RBM47: variants seen among roughly 807,000 people sequenced by gnomAD.
RBM47 encodes the protein RNA binding motif protein 47.
In RBM47, 21 loss-of-function variants were observed where a neutral mutation model predicts 47.1. The ratio of observed to expected loss-of-function variants is 0.45; its 90% CI spans 0.32 to 0.64. RBM47 has a LOEUF of 0.64. Ranked by LOEUF, RBM47 falls within the 30% of genes least tolerant of loss-of-function variation. RBM47 has a pLI of 0.05. For synonymous variants in RBM47, 375 were observed against 361.7 expected, an observed-to-expected ratio of 1.04 and a Z score of -0.42; for missense variants, 708 against 870.9, an observed-to-expected ratio of 0.81 and a Z score of 2.35.
chr4:40,556,524 A>G (rs894201299), intron 1 of RBM47, among the ~76,000 whole-genome samples: 9 of 152,202 alleles, frequency 5.9e-5, no homozygotes, highest in East Asian at 5.8e-4. Flanking sequence ...AAGTAATTGC[A>G]GTTTTTGCTA....
intron 2 of RBM47, among the ~76,000 whole-genome samples, chr4:40,512,549 CTACAAAAA>C (rs1725075907): frequency 6.6e-6 from 1 of 151,094 alleles, no homozygotes; most frequent in South Asian, 2.1e-4. Context: ...AACCCTGTCT[CTACAAAAA>C]TACAAAAATT....
intron 2 of RBM47, among the ~76,000 whole-genome samples, chr4:40,518,169 T>C (rs1360465384): frequency 9.8e-4 from 125 of 127,010 alleles, no homozygotes; most frequent in African/African-American, 2.7e-3. Flanking sequence ...TTTTTTTTTT[T>C]TTTTTTTTTT....
chr4:40,443,717 CAAAAAAAAAAAAAAAAAAAA>C (rs10581870), intron 3 of RBM47, among the ~76,000 whole-genome samples: 787 of 47,832 alleles, frequency 0.016, 32 homozygotes, highest in African/African-American at 0.061. Flanking sequence ...AACTCCTTCT[CAAAAAAAAAAAAAAAAAAAA>C]AAAAAAAAAA....
chr4:40,468,665 C>T (rs943070564), intron 2 of RBM47, among the ~76,000 whole-genome samples: 9 of 152,222 alleles, frequency 5.9e-5, no homozygotes, highest in East Asian at 3.9e-4. Flanking sequence ...AGATCCATAA[C>T]GTTATGGGAA....
intron 3 of RBM47, among the ~76,000 whole-genome samples, chr4:40,442,716 C>T (rs1713845201): frequency 6.6e-6 from 1 of 152,082 alleles, no homozygotes; most frequent in South Asian, 2.1e-4. Flanking sequence ...CTCACTCTGT[C>T]ACCCAGGCTG....
At chr4:40,521,619 A>T (rs144947586) in intron 2 of RBM47, among the ~76,000 whole-genome samples, 1 of 152,370 alleles carries the variant, frequency 6.6e-6, no homozygotes, top group East Asian at 1.9e-4. Flanking sequence ...GTCTCAAGGA[A>T]AAATCACTTG....
intron 2 of RBM47, among the ~76,000 whole-genome samples, chr4:40,528,505 T>A (rs1028489509): frequency 6.6e-6 from 1 of 152,008 alleles, no homozygotes; most frequent in African/African-American, 2.4e-5. Context: ...TGTAACTACA[T>A]ATCTAAAATG....
intron 1 of RBM47, among the ~76,000 whole-genome samples, chr4:40,578,419 A>G (rs555275989): frequency 6.6e-6 from 1 of 152,340 alleles, no homozygotes; most frequent in African/African-American, 2.4e-5. Context: ...TAGAAACTCA[A>G]ATAAAAGCAA....
At chr4:40,485,106 C>T (rs565544290) in intron 2 of RBM47, among the ~76,000 whole-genome samples, 1 of 152,112 alleles carries the variant, frequency 6.6e-6, no homozygotes, top group African/African-American at 2.4e-5. Context: ...TGGTTCCTTA[C>T]AAAGTATACC....
intron 1 of RBM47, among the ~76,000 whole-genome samples, chr4:40,594,191 A>C (rs79283937): frequency 1.3e-5 from 2 of 152,172 alleles, no homozygotes. Context: ...GTATAGGAAT[A>C]AGAAAGACAA....
At chr4:40,616,009 C>T (rs555669473) in intron 1 of RBM47, among the ~76,000 whole-genome samples, 1 of 152,294 alleles carries the variant, frequency 6.6e-6, no homozygotes, top group South Asian at 2.1e-4. Context: ...CATTATCTGT[C>T]ATAGCTTCTT....
chr4:40,586,472 A>T (rs1410723506), intron 1 of RBM47, among the ~76,000 whole-genome samples: 1 of 151,504 alleles, frequency 6.6e-6, no homozygotes, highest in African/African-American at 2.4e-5. Context: ...CTGGGTAAGA[A>T]GGGGTTAATG....
At chr4:40,463,492 CAG>C (rs1717475938) in intron 3 of RBM47, among the ~76,000 whole-genome samples, 1 of 152,116 alleles carries the variant, frequency 6.6e-6, no homozygotes, top group Non-Finnish European at 1.5e-5. Context: ...TCATAATAAA[CAG>C]AAGTACCACA....
intron 1 of RBM47, among the ~76,000 whole-genome samples, chr4:40,595,397 G>A (rs747671406): frequency 8.5e-5 from 13 of 152,124 alleles, no homozygotes; most frequent in Non-Finnish European, 1.8e-4. Flanking sequence ...GGGAGGCTGA[G>A]GCAAGACAAC....
intron 1 of RBM47, among the ~76,000 whole-genome samples, chr4:40,608,931 G>A (rs1735999997): frequency 6.6e-6 from 1 of 152,138 alleles, no homozygotes; most frequent in Non-Finnish European, 1.5e-5. Context: ...AAAACGAGAT[G>A]ACACGAAACA....
At chr4:40,625,926 C>T (rs1871836) in intron 1 of RBM47, among the ~76,000 whole-genome samples, 54,618 of 151,998 alleles carry the variant, frequency 0.36, 10,379 homozygotes, top group African/African-American at 0.47. Context: ...TGTCTTCTCC[C>T]GATGTCATCT....
At position 40,569,682 on chromosome 4, in the gene RBM47, T is replaced by C. The variant is rs537188706; in HGVS notation, c.-239-25176A>G. Among the ~76,000 whole-genome samples, 28 of 150,310 alleles carry C rather than the reference T, an allele frequency of 1.9e-4. 1 individual carries two copies. The highest frequency in any genetic ancestry group is 6.1e-4 in the African/African-American group (25 of 40,896). On this transcript the variant is annotated intron_variant, in intron 1 of 6. Coordinates refer to ENST00000295971, the MANE Select transcript of RBM47 (RefSeq NM_001098634.2). Reference sequence around the variant, plus strand: ...CCTTGGCCTCCCAAAGTGCTGGGATTACAGGCGTGAGTCACCACGCCCGGC... The same window carrying C: ...CCTTGGCCTCCCAAAGTGCTGGGATCACAGGCGTGAGTCACCACGCCCGGC...
intron 1 of RBM47, among the ~76,000 whole-genome samples, chr4:40,614,174 C>A (rs192571063): frequency 6.6e-6 from 1 of 152,128 alleles, no homozygotes; most frequent in Admixed American, 6.6e-5. Context: ...AGATTTGGAA[C>A]GAGCCATCTA....
chr4:40,458,588 T>C (rs1033225108), intron 3 of RBM47, among the ~76,000 whole-genome samples: 7 of 152,192 alleles, frequency 4.6e-5, no homozygotes, highest in African/African-American at 1.7e-4. Flanking sequence ...AATATGACCA[T>C]AGTAGGCTGT....
Sources: gnomAD v4.1 joint callset for allele counts (sites outside exome capture counted in the v4.1 genomes callset) on GRCh38, gnomAD v4.1.1 for gene constraint, MANE v1.5 for transcripts, NCBI Gene and HGNC (gene_info 2026-07-23, HGNC 2026-07-21) for gene names.